The following CEP89 variants were observed in gnomAD, a reference collection of about 807,000 sequenced individuals.
The protein encoded by CEP89 is centrosomal protein of 89 kDa.
In CEP89, 95 loss-of-function variants were observed where a neutral mutation model predicts 97.6. The ratio of observed to expected loss-of-function variants is 0.97; its 90% confidence interval spans 0.82 to 1.15. CEP89 has a LOEUF of 1.15. Among genes scored for constraint, CEP89 ranks in the 50% most tolerant of loss-of-function variants. The pLI, the probability that CEP89 is intolerant of heterozygous loss-of-function variation, is 0.00. For missense variants in CEP89, 869 were observed against 947.7 expected, an observed-to-expected ratio of 0.92 and a Z score of 1.09; for synonymous variants, 354 against 349.1, an observed-to-expected ratio of 1.01 and a Z score of -0.16.
chr19:32,927,842 T>C (rs1247069412), intron 9 of CEP89, among the ~76,000 whole-genome samples: 1 of 150,434 alleles, frequency 6.6e-6, no homozygotes, highest in African/African-American at 2.5e-5. Context: ...TGGCCTGAAG[T>C]GATCCTCCTG....
In CEP89 at chr19:32,959,882, C is replaced by T. The variant is rs771842321; in HGVS notation, c.305+18G>A. 26 of 1,613,168 alleles carry T rather than the reference C, an allele frequency of 1.6e-5. No individual in the cohort carries two copies. Among genetic ancestry groups the T allele is most frequent in the Middle Eastern group, 1.7e-4 (1 of 6,054 alleles). ...CTTCCACTCTCAGAGGAAGCAGAGG[C>T]GGCGATCTGGTACCTACCGAGGCCT... is the stretch of plus-strand genomic sequence containing the variant. On this transcript the variant is annotated intron_variant, in intron 3 of 18. Transcript: ENST00000305768.
chr19:32,907,741 C>T (rs924358896), intron 14 of CEP89, among the ~76,000 whole-genome samples: 7 of 152,128 alleles, frequency 4.6e-5, no homozygotes, highest in African/African-American at 1.7e-4. Flanking sequence ...CGCATGCCAC[C>T]ACACTTGGCC....
intron 14 of CEP89, among the ~76,000 whole-genome samples, chr19:32,908,406 G>A (rs1969932599): frequency 6.6e-6 from 1 of 152,206 alleles, no homozygotes; most frequent in African/African-American, 2.4e-5. Flanking sequence ...CGATAGATGG[G>A]TCAAGGGTAG....
In CEP89 at chr19:32,944,467, C is replaced by T. The variant is rs117342891; in HGVS notation, c.595+3799G>A. 8.0e-3 allele frequency among the ~76,000 whole-genome samples: 1,212 copies of T among 152,194 alleles called. 9 individuals are homozygous for T. Among genetic ancestry groups the T allele is most frequent in the South Asian group, 0.019 (90 of 4,824 alleles). On this transcript the variant is annotated intron_variant, in intron 5 of 18. Transcript: ENST00000305768. ...GCCCAGGGAGAAGGTATGTTAACCA[C>T]GTGGTATGCTCCTGAGACATCATCA...
At position 32,877,862 on chromosome 19, in the gene CEP89, C is replaced by G. The variant is rs546245095; in HGVS notation, c.*1300G>C. The G allele has an allele frequency of 6.6e-6, 1 of 152,332 alleles. No homozygotes were observed. Among genetic ancestry groups the G allele is most frequent in the African/African-American group, 2.4e-5 (1 of 41,550 alleles). The allele number at this position is 152,332 out of a possible 1,614,324, so 9.4% of individuals were successfully genotyped here. A position where few individuals can be genotyped will look rare whatever the true frequency, so the allele number is the denominator to read the frequency against. On this transcript the variant is annotated 3_prime_UTR_variant, in exon 19 of 19. Coordinates refer to ENST00000305768, the MANE Select transcript of CEP89 (RefSeq NM_032816.5). ...TGGCGTGATCTTGGTTCACTGCAAC[C>G]TCCGCCTTCCAGGTTCAAGCAATTC...
At chr19:32,952,903 C>CAA (rs34455504) in intron 4 of CEP89, among the ~76,000 whole-genome samples, 1,253 of 48,570 alleles carry the variant, frequency 0.026, 74 homozygotes, top group Non-Finnish European at 0.034. Flanking sequence ...GACTCTGTCT[C>CAA]AAAAAAAAAA....
At position 32,966,232 on chromosome 19, in the gene CEP89, A is replaced by C. The variant is rs1203119871; in HGVS notation, c.146+128T>G. On this transcript the variant is annotated intron_variant, in intron 2 of 18. Coordinates refer to ENST00000305768, the MANE Select transcript of CEP89 (RefSeq NM_032816.5). ...ATTGCATCATTATGGAATCGTGGTA[A>C]ACATTTTGAAGGACATGATTCTAAC... The C allele has an allele frequency of 3.7e-5, 16 of 437,154 alleles. No homozygotes were observed. In the East Asian group the frequency reaches 5.7e-4, roughly 15 times the overall value. 27.1% of individuals were successfully genotyped at this position (437,154 alleles called of 1,614,324 possible).
chr19:32,924,004 CTTTTTT>C (rs746080149), intron 11 of CEP89, among the ~76,000 whole-genome samples: 1 of 129,752 alleles, frequency 7.7e-6, no homozygotes. Flanking sequence ...GGAGGAAGCT[CTTTTTT>C]TTTTTTTTTT....
rs770853408 is a variant in CEP89 at position 32,915,458 on chromosome 19, C to A, written c.1444G>T (p.Glu482Ter). 8.1e-6 allele frequency: 13 copies of A among 1,613,730 alleles called. No individual in the cohort carries two copies. Among genetic ancestry groups the A allele is most frequent in the African/African-American group, 5.3e-5 (4 of 74,988 alleles). The change falls in exon 14 of 19, where the codon GAG (glutamate) becomes TAG (stop). Residue 482 changes from glutamate to a stop codon, truncating the protein, a stop_gained. Coordinates refer to ENST00000305768, the MANE Select transcript of CEP89 (RefSeq NM_032816.5). LOFTEE classifies it high-confidence loss of function. Reference sequence around the variant, plus strand: ...AGCTGTTCCCTGTTCTCCGCCAGCTCCTTTTCCTGGCCGTGGGTTTTTGCC... The same window carrying A: ...AGCTGTTCCCTGTTCTCCGCCAGCTACTTTTCCTGGCCGTGGGTTTTTGCC... ...LEAKTHGQEK[E>*]LAENREQLEI...
intron 17 of CEP89, among the ~76,000 whole-genome samples, chr19:32,885,764 G>C (rs1471462358): frequency 1.2e-4 from 18 of 152,182 alleles, no homozygotes; most frequent in Admixed American, 1.2e-3. Flanking sequence ...ATGAGTTACA[G>C]TTTAGAGCAG....
intron 14 of CEP89, among the ~76,000 whole-genome samples, chr19:32,914,228 C>T (rs1970072600): frequency 6.6e-6 from 1 of 152,044 alleles, no homozygotes; most frequent in Non-Finnish European, 1.5e-5. Flanking sequence ...AGGATATATC[C>T]TTTCATTTAA....
intron 5 of CEP89, among the ~76,000 whole-genome samples, chr19:32,941,553 G>A (rs139910846): frequency 5.0e-4 from 76 of 152,238 alleles, no homozygotes; most frequent in African/African-American, 1.0e-3. Flanking sequence ...GATGCATTGA[G>A]CAACTCGTCA....
intron 17 of CEP89, among the ~76,000 whole-genome samples, chr19:32,885,267 A>G (rs1969370298): frequency 6.6e-6 from 1 of 152,226 alleles, no homozygotes; most frequent in African/African-American, 2.4e-5. Flanking sequence ...AGTTAAATAT[A>G]TTCTTCGCTC....
intron 4 of CEP89, among the ~76,000 whole-genome samples, chr19:32,952,921 A>AG (rs1265375458): frequency 5.3e-5 from 8 of 150,758 alleles, no homozygotes; most frequent in African/African-American, 1.5e-4. Context: ...AAAAAAAAAA[A>AG]AAAGAAAAGA....
chr19:32,921,818 A>G (rs1970255604), intron 12 of CEP89, among the ~76,000 whole-genome samples: 1 of 152,180 alleles, frequency 6.6e-6, no homozygotes. Context: ...GAGCTGCCTG[A>G]GCCAGTCCCA....
At chr19:32,917,284 C>T (rs1041752606) in intron 13 of CEP89, among the ~76,000 whole-genome samples, 2 of 152,180 alleles carry the variant, frequency 1.3e-5, no homozygotes, top group African/African-American at 4.8e-5. Flanking sequence ...AAGGCAAATA[C>T]TCCTGGGCCA....
At chr19:32,956,356 T>G (rs891538763) in intron 3 of CEP89, among the ~76,000 whole-genome samples, 1 of 151,190 alleles carries the variant, frequency 6.6e-6, no homozygotes, top group Non-Finnish European at 1.5e-5. Flanking sequence ...ACCCGGCCTG[T>G]TTTTTCTTTT....
At chr19:32,915,295 A>G (rs768582416) in intron 14 of CEP89, 42 bp downstream of exon 14, 1 of 1,531,306 alleles carries the variant, frequency 6.5e-7, no homozygotes, top group South Asian at 1.2e-5. Context: ...CCTGTCTCGA[A>G]AAAAGAAAAA....
At chr19:32,899,569 C>T (rs377425147) in intron 16 of CEP89, among the ~76,000 whole-genome samples, 7 of 152,132 alleles carry the variant, frequency 4.6e-5, no homozygotes, top group Non-Finnish European at 1.0e-4. Flanking sequence ...TGGTTCCCAA[C>T]TTATGATGGT....
Sources: gnomAD v4.1 joint callset for allele counts (sites outside exome capture counted in the v4.1 genomes callset) on GRCh38, gnomAD v4.1.1 for gene constraint, MANE v1.5 for transcripts, NCBI Gene and HGNC (gene_info 2026-07-23, HGNC 2026-07-21) for gene names.